Variants in BACH2 observed in about 807,000 individuals in gnomAD.
BACH2 encodes BACH transcriptional regulator 2, also known as transcription regulator protein BACH2.
In BACH2, 5 loss-of-function variants were observed where a neutral mutation model predicts 61.8. The observed-to-expected ratio is 0.08, with a 90% confidence interval of 0.04 to 0.17. The LOEUF (loss-of-function observed/expected upper bound fraction) is 0.17, where lower values mean the gene tolerates loss of function less well. Ranked by LOEUF, BACH2 falls within the 10% of genes least tolerant of loss-of-function variation. The pLI is 1.00. For missense variants in BACH2, 824 were observed against 1,091.1 expected, an observed-to-expected ratio of 0.76 and a Z score of 3.45; for synonymous variants, 446 against 440.1, an observed-to-expected ratio of 1.01 and a Z score of -0.17.
At chr6:90,063,156 T>C (rs1290785917) in intron 5 of BACH2, among the ~76,000 whole-genome samples, 3 of 152,202 alleles carry the variant, frequency 2.0e-5, no homozygotes, top group Non-Finnish European at 2.9e-5. Context: ...TTCCACAAAG[T>C]ATTTCTTAAA....
At chr6:90,232,024 G>A (rs146643472) in intron 3 of BACH2, among the ~76,000 whole-genome samples, 106 of 152,148 alleles carry the variant, frequency 7.0e-4, no homozygotes, top group African/African-American at 2.4e-3. Flanking sequence ...AAGCCCAACC[G>A]TTATCTAAAC....
intron 5 of BACH2, among the ~76,000 whole-genome samples, chr6:90,070,671 G>T (rs1265318316): frequency 1.3e-5 from 2 of 152,234 alleles, no homozygotes; most frequent in Non-Finnish European, 2.9e-5. Flanking sequence ...TCCAGTAGCA[G>T]AGGTTCACTG....
intron 2 of BACH2, among the ~76,000 whole-genome samples, chr6:90,268,047 C>T (rs1771401349): frequency 2.1e-5 from 3 of 141,256 alleles, no homozygotes; most frequent in Admixed American, 7.5e-5. Flanking sequence ...CTTGCTCTGT[C>T]GCCCAGGCTA....
chr6:90,119,326 C>T (rs911853463), intron 4 of BACH2, among the ~76,000 whole-genome samples: 16 of 152,070 alleles, frequency 1.1e-4, no homozygotes, highest in East Asian at 1.9e-4. Flanking sequence ...TAGTTTCAAT[C>T]GACAACTATA....
chr6:90,176,388 A>C (rs1767984664), intron 4 of BACH2, among the ~76,000 whole-genome samples: 1 of 152,148 alleles, frequency 6.6e-6, no homozygotes, highest in Non-Finnish European at 1.5e-5. Context: ...AAAACAGGAG[A>C]TAGCTGTGGA....
chr6:90,263,256 G>A (rs945846656), intron 2 of BACH2, among the ~76,000 whole-genome samples: 2 of 152,124 alleles, frequency 1.3e-5, no homozygotes, highest in African/African-American at 4.8e-5. Context: ...ACATCTCTAT[G>A]ACATACACTG....
chr6:90,199,088 CCT>C (rs1768866920), intron 4 of BACH2, among the ~76,000 whole-genome samples: 1 of 152,210 alleles, frequency 6.6e-6, no homozygotes, highest in Non-Finnish European at 1.5e-5. Context: ...GTCCATTAAA[CCT>C]CTTTTTCTTT....
chr6:90,212,925 T>C (rs186369958), intron 3 of BACH2, among the ~76,000 whole-genome samples: 1 of 152,278 alleles, frequency 6.6e-6, no homozygotes, highest in Non-Finnish European at 1.5e-5. Context: ...GCTAGGGGGT[T>C]CTTGCACTTG....
intron 2 of BACH2, among the ~76,000 whole-genome samples, chr6:90,253,588 T>C (rs1199364452): frequency 6.6e-6 from 1 of 152,200 alleles, no homozygotes; most frequent in African/African-American, 2.4e-5. Flanking sequence ...TGAAATTAAA[T>C]ACTAAGAACT....
intron 3 of BACH2, among the ~76,000 whole-genome samples, chr6:90,222,565 T>C (rs1338304095): frequency 6.6e-6 from 1 of 152,214 alleles, no homozygotes; most frequent in Non-Finnish European, 1.5e-5. Context: ...ATTGTGTATT[T>C]AATATGAAGT....
At chr6:90,204,566 T>C (rs1236928332) in intron 4 of BACH2, among the ~76,000 whole-genome samples, 1 of 152,154 alleles carries the variant, frequency 6.6e-6, no homozygotes, top group Non-Finnish European at 1.5e-5. Context: ...CTACTGAGAC[T>C]TGACATTTCC....
intron 2 of BACH2, among the ~76,000 whole-genome samples, chr6:90,265,859 G>A (rs1479626564): frequency 1.3e-5 from 2 of 152,134 alleles, no homozygotes; most frequent in Non-Finnish European, 1.5e-5. Flanking sequence ...CAGAAGAAAT[G>A]AACATTTATC....
intron 4 of BACH2, among the ~76,000 whole-genome samples, chr6:90,135,531 G>A (rs1318285499): frequency 6.6e-6 from 1 of 152,062 alleles, no homozygotes; most frequent in African/African-American, 2.4e-5. Flanking sequence ...CTAGGCAACA[G>A]GGCAAAACCC....
At chr6:90,016,784 G>T (rs374829402) in intron 5 of BACH2, among the ~76,000 whole-genome samples, 2 of 151,384 alleles carry the variant, frequency 1.3e-5, no homozygotes, top group South Asian at 4.2e-4. Flanking sequence ...TCTTTGAAGG[G>T]TATAGATTCC....
At chr6:90,061,926 C>T (rs899511354) in intron 5 of BACH2, among the ~76,000 whole-genome samples, 1 of 152,022 alleles carries the variant, frequency 6.6e-6, no homozygotes, top group Non-Finnish European at 1.5e-5. Context: ...CTAGATAATA[C>T]CTATAGACAA....
chr6:90,182,217 A>T lies in BACH2; in HGVS notation c.-162+24352T>A, dbSNP rs978768859. Among the ~76,000 whole-genome samples the T allele has an allele frequency of 2.0e-5, 3 of 152,318 alleles. No homozygotes were observed. The East Asian group carries it at 5.8e-4, about 29-fold the overall frequency. On this transcript the variant is annotated intron_variant, in intron 4 of 8. Transcript: ENST00000257749. ...ATTGATTTGTTCTTCTCAGAATCAA[A>T]GACACTTTTCTCTCTCTCTCTCTCA...
chr6:90,264,479 T>G, intron 2 of BACH2, among the ~76,000 whole-genome samples: 1 of 152,244 alleles, frequency 6.6e-6, no homozygotes, highest in East Asian at 1.9e-4. Context: ...TCTCTAGGTT[T>G]GAATTTTTCA....
At chr6:90,096,120 C>T (rs948372914) in intron 4 of BACH2, among the ~76,000 whole-genome samples, 1 of 152,190 alleles carries the variant, frequency 6.6e-6, no homozygotes, top group African/African-American at 2.4e-5. Flanking sequence ...GGCTGCAGGT[C>T]CCACAGCAAT....
chr6:90,092,291 A>AAAAAAAAAAAT, intron 4 of BACH2, among the ~76,000 whole-genome samples: 1 of 113,826 alleles, frequency 8.8e-6, no homozygotes, highest in African/African-American at 3.6e-5. Context: ...AAAAAAAAAA[A>AAAAAAAAAAAT]ATATATATAT....
Sources: allele counts gnomAD v4.1 joint callset (sites outside exome capture counted in the v4.1 genomes callset), GRCh38; gene constraint gnomAD v4.1.1; transcripts MANE v1.5; gene names NCBI Gene and HGNC (gene_info 2026-07-23, HGNC 2026-07-21).